The following TAFA5 variants were observed in gnomAD, a reference collection of about 807,000 sequenced individuals.
TAFA5 encodes the protein chemokine-like protein TAFA-5.
TAFA5 carries 6 observed loss-of-function variants against 15.3 expected under a neutral mutation model. The ratio of observed to expected loss-of-function variants is 0.39; its 90% confidence interval spans 0.21 to 0.77. TAFA5 has a LOEUF of 0.77. Ranked by LOEUF, TAFA5 falls within the 30% of genes least tolerant of loss-of-function variation. The pLI, the probability that TAFA5 is intolerant of heterozygous loss-of-function variation, is 0.41. For missense variants in TAFA5, 161 were observed against 193.1 expected, an observed-to-expected ratio of 0.83 and a Z score of 0.98; for synonymous variants, 103 against 80.7, an observed-to-expected ratio of 1.28 and a Z score of -1.48.
At chr22:48,693,536 G>A (rs149149320) in intron 2 of TAFA5, among the ~76,000 whole-genome samples, 1,738 of 152,320 alleles carry the variant, frequency 0.011, 20 homozygotes, top group Middle Eastern at 0.027. Flanking sequence ...CCGCAGGAGG[G>A]GCGGCTGGGC....
intron 1 of TAFA5, among the ~76,000 whole-genome samples, chr22:48,565,419 G>A (rs555638649): frequency 6.6e-6 from 1 of 152,356 alleles, no homozygotes; most frequent in South Asian, 2.1e-4. Context: ...TTTTAGTTTT[G>A]CAAATGCATG....
At chr22:48,748,399 C>T (rs1279660814) in intron 3 of TAFA5, among the ~76,000 whole-genome samples, 10 of 152,206 alleles carry the variant, frequency 6.6e-5, no homozygotes, top group African/African-American at 2.4e-4. Context: ...CCCAGGGGTG[C>T]AGTGAGGAGA....
chr22:48,567,713 G>A (rs575150116), intron 1 of TAFA5, among the ~76,000 whole-genome samples: 48 of 152,222 alleles, frequency 3.2e-4, no homozygotes, highest in Middle Eastern at 3.4e-3. Flanking sequence ...GGGTGAGCTC[G>A]GGAACTAAGA....
chr22:48,508,549 C>T (rs1469861481), intron 1 of TAFA5, among the ~76,000 whole-genome samples: 1 of 152,166 alleles, frequency 6.6e-6, no homozygotes, highest in South Asian at 2.1e-4. Flanking sequence ...ACGTATGGGG[C>T]CCTGGAGACA....
intron 1 of TAFA5, among the ~76,000 whole-genome samples, chr22:48,608,214 G>T (rs904577634): frequency 9.8e-5 from 13 of 132,228 alleles, no homozygotes; most frequent in African/African-American, 3.8e-4. Context: ...TCAGGTAAAT[G>T]TCTATGATGT....
At chr22:48,544,688 C>G (rs1473974122) in intron 1 of TAFA5, 1 of 471,212 alleles carries the variant, frequency 2.1e-6, no homozygotes, top group Non-Finnish European at 4.4e-6. Context: ...CTTGCTGTGT[C>G]CCTGCGTGCC....
intron 1 of TAFA5, among the ~76,000 whole-genome samples, chr22:48,583,841 G>T (rs1372378819): frequency 1.5e-5 from 2 of 132,438 alleles, no homozygotes; most frequent in Non-Finnish European, 3.3e-5. Flanking sequence ...ATATACACAC[G>T]CCACACAAAA....
At chr22:48,650,586 G>A (rs575933648) in intron 2 of TAFA5, among the ~76,000 whole-genome samples, 6 of 152,288 alleles carry the variant, frequency 3.9e-5, no homozygotes, top group African/African-American at 1.4e-4. Context: ...GGGGCCAGTG[G>A]TTAGAGAGGA....
chr22:48,712,666 C>T (rs958978293), intron 3 of TAFA5, among the ~76,000 whole-genome samples: 9 of 152,210 alleles, frequency 5.9e-5, no homozygotes, highest in Non-Finnish European at 1.2e-4. Context: ...TGTGGACGTC[C>T]ACCTGCCCCA....
At chr22:48,682,731 C>T (rs1327593231) in intron 2 of TAFA5, among the ~76,000 whole-genome samples, 3 of 152,170 alleles carry the variant, frequency 2.0e-5, no homozygotes, top group African/African-American at 4.8e-5. Context: ...CAGTCATTGT[C>T]GCTGAATTGA....
intron 1 of TAFA5, among the ~76,000 whole-genome samples, chr22:48,644,999 G>A (rs1926814173): frequency 6.6e-6 from 1 of 152,384 alleles, no homozygotes; most frequent in East Asian, 1.9e-4. Flanking sequence ...GCTGGAAGGG[G>A]CCCCTGGGGA....
chr22:48,678,865 G>C (rs937405511), intron 2 of TAFA5, among the ~76,000 whole-genome samples: 23 of 117,446 alleles, frequency 2.0e-4, no homozygotes, highest in East Asian at 9.7e-4. Context: ...CTGAGTTCCG[G>C]TGCCAGGGCA....
intron 1 of TAFA5, among the ~76,000 whole-genome samples, chr22:48,521,752 A>G (rs143640495): frequency 8.5e-5 from 13 of 152,226 alleles, no homozygotes; most frequent in Non-Finnish European, 1.6e-4. Context: ...AACTGCCCCA[A>G]TCTTCGTTGA....
chr22:48,629,247 C>A (rs1926128992), intron 1 of TAFA5, among the ~76,000 whole-genome samples: 1 of 152,148 alleles, frequency 6.6e-6, no homozygotes, highest in African/African-American at 2.4e-5. Context: ...CCTGGGCTGA[C>A]TCTCCCCTGC....
chr22:48,508,559 A>C (rs1274114191), intron 1 of TAFA5, among the ~76,000 whole-genome samples: 1 of 152,200 alleles, frequency 6.6e-6, no homozygotes, highest in Non-Finnish European at 1.5e-5. Context: ...CCCTGGAGAC[A>C]GCCTGAGTGG....
chr22:48,613,781 G>C (rs572139656), intron 1 of TAFA5, among the ~76,000 whole-genome samples: 1 of 152,292 alleles, frequency 6.6e-6, no homozygotes, highest in Admixed American at 6.5e-5. Context: ...ACGTCCTTCC[G>C]GCCCTTCGTG....
intron 1 of TAFA5, among the ~76,000 whole-genome samples, chr22:48,542,996 T>C (rs1000212979): frequency 9.9e-5 from 15 of 151,726 alleles, no homozygotes; most frequent in Non-Finnish European, 1.8e-4. Context: ...GTATGGTGTG[T>C]AGTGTGTGGA....
chr22:48,653,577 A>G (rs1373128119), intron 2 of TAFA5, among the ~76,000 whole-genome samples: 1 of 152,192 alleles, frequency 6.6e-6, no homozygotes, highest in Non-Finnish European at 1.5e-5. Context: ...TTGCTTCATC[A>G]GAGCCCAGTT....
At position 48,707,858 on chromosome 22, in the gene TAFA5, G is replaced by C. The variant is rs200604648; in HGVS notation, c.390+14G>C. The stretch of plus-strand genomic sequence containing the variant: ...AAGACCACCACGGTATGTGGCCCTC[G>C]GCTTTCTCGTGGGTGTGCTGGGGAG... On this transcript the variant is annotated intron_variant, in intron 3 of 3. Coordinates refer to ENST00000402357, the MANE Select transcript of TAFA5 (RefSeq NM_001082967.3). The C allele has an allele frequency of 1.2e-6, 2 of 1,609,768 alleles. No individual in the cohort carries two copies. Among genetic ancestry groups the C allele is most frequent in the Admixed American group, 1.7e-5 (1 of 59,886 alleles).
Sources: gnomAD v4.1 joint callset for allele counts (sites outside exome capture counted in the v4.1 genomes callset) on GRCh38, gnomAD v4.1.1 for gene constraint, MANE v1.5 for transcripts, NCBI Gene and HGNC (gene_info 2026-07-23, HGNC 2026-07-21) for gene names.